The following CXADR variants were observed in gnomAD, a reference collection of about 807,000 sequenced individuals.
CXADR encodes the protein CXADR cell adhesion molecule.
In CXADR, 20 loss-of-function variants were observed where a neutral mutation model predicts 40.3. The ratio of observed to expected loss-of-function variants is 0.50; its 90% CI spans 0.35 to 0.72. CXADR has a LOEUF of 0.72. CXADR is among the 30% of genes least tolerant of loss of function. The probability of loss-of-function intolerance (pLI) is 0.01; values close to 1 mark genes in which losing one functional copy is unlikely to be tolerated. For synonymous variants in CXADR, 150 were observed against 161.3 expected, an observed-to-expected ratio of 0.93 and a Z score of 0.53; for missense variants, 332 against 449.1, an observed-to-expected ratio of 0.74 and a Z score of 2.36.
intron 7 of CXADR, among the ~76,000 whole-genome samples, chr21:17,586,524 CT>C (rs1413893756): frequency 1.8e-4 from 27 of 150,724 alleles, no homozygotes; most frequent in Admixed American, 9.2e-4. Context: ...TGGTCTCAAA[CT>C]TCTGGCCTCA....
At chr21:17,633,704 C>T in the CXADR span, among the ~76,000 whole-genome samples, 11 of 152,318 alleles carry the variant, frequency 7.2e-5, no homozygotes, top group Middle Eastern at 3.4e-3. Flanking sequence ...CATAAATTGT[C>T]ACCATCTCTC....
intron 1 of CXADR, chr21:17,542,988 C>G (rs2060848482): frequency 3.2e-6 from 1 of 309,808 alleles, no homozygotes; most frequent in Non-Finnish European, 6.6e-6. Context: ...AACCCAGGAA[C>G]TGTTTTATAT....
chr21:17,578,919 GTTA>G (rs1364963016), intron 7 of CXADR, among the ~76,000 whole-genome samples: 2 of 152,118 alleles, frequency 1.3e-5, no homozygotes, highest in Non-Finnish European at 2.9e-5. Flanking sequence ...AGATGAAATG[GTTA>G]TTGTTTATCT....
At chr21:17,564,715 A>T (rs2061179474) in intron 6 of CXADR, among the ~76,000 whole-genome samples, 1 of 152,032 alleles carries the variant, frequency 6.6e-6, no homozygotes, top group Non-Finnish European at 1.5e-5. Context: ...TTCCTTTTTT[A>T]AAAAATTTTA....
downstream of CXADR, among the ~76,000 whole-genome samples, chr21:17,574,839 A>C (rs1354974169): frequency 6.6e-6 from 1 of 152,176 alleles, no homozygotes; most frequent in Non-Finnish European, 1.5e-5. Flanking sequence ...ATAGATACCT[A>C]GATGTATCTG....
At chr21:17,534,753 C>T (rs1176930056) in intron 1 of CXADR, among the ~76,000 whole-genome samples, 1 of 151,048 alleles carries the variant, frequency 6.6e-6, no homozygotes, top group East Asian at 2.0e-4. Context: ...AATCTTTTAA[C>T]ATACTAGTTC....
At chr21:17,530,114 A>ATTTTTTTTTTTTTTT (rs56341807) in intron 1 of CXADR, among the ~76,000 whole-genome samples, 2,787 of 94,522 alleles carry the variant, frequency 0.029, 2 homozygotes, top group Non-Finnish European at 0.043. Flanking sequence ...ATGCCAGGCT[A>ATTTTTTTTTTTTTTT]TTTTTTTTTT....
chr21:17,559,666 TG>T (rs141606129), intron 4 of CXADR, among the ~76,000 whole-genome samples: 8,614 of 80,608 alleles, frequency 0.11, 1,067 homozygotes, highest in African/African-American at 0.3. Flanking sequence ...TACTTTTTTT[TG>T]GGTTTTTTTT....
At chr21:17,546,966 G>C (rs1449344744) in intron 1 of CXADR, 61 bp from the exon 2 acceptor site, 1 of 1,582,060 alleles carries the variant, frequency 6.3e-7, no homozygotes, top group East Asian at 2.2e-5. Context: ...TGGCTGCGGG[G>C]CACTGTGTGG....
chr21:17,520,802 C>T (rs190876439), intron 1 of CXADR, among the ~76,000 whole-genome samples: 306 of 152,192 alleles, frequency 2.0e-3, no homozygotes, highest in Admixed American at 5.8e-3. Context: ...GAATGAGTAG[C>T]ATGAAAAAGT....
rs117667293 is a variant in CXADR at position 17,562,757 on chromosome 21, A to G, written c.833+1281A>G. ...CTGGATAACTTTCTGTAGCTTCTTC[A>G]TCAGCACTTTGTTGCTTCACTTTGT... On this transcript the variant is annotated intron_variant, in intron 6 of 6. Coordinates refer to ENST00000284878, the MANE Select transcript of CXADR (RefSeq NM_001338.5). Among the ~76,000 whole-genome samples, 3 of 152,352 alleles carry G rather than the reference A, an allele frequency of 2.0e-5. No individual in the cohort carries two copies. The East Asian group carries it at 5.8e-4, about 29-fold the overall frequency.
At chr21:17,524,948 A>C (rs1485086459) in intron 1 of CXADR, among the ~76,000 whole-genome samples, 1 of 152,124 alleles carries the variant, frequency 6.6e-6, no homozygotes, top group Admixed American at 6.6e-5. Flanking sequence ...TAAGCCTTTG[A>C]GTTTAAGTTG....
intron 1 of CXADR, among the ~76,000 whole-genome samples, chr21:17,522,426 G>A (rs1271625856): frequency 6.6e-6 from 1 of 152,188 alleles, no homozygotes; most frequent in African/African-American, 2.4e-5. Flanking sequence ...GGGATTACAG[G>A]TGTGAGCCAC....
intron 7 of CXADR, among the ~76,000 whole-genome samples, chr21:17,579,142 G>A (rs1385479708): frequency 6.6e-6 from 1 of 152,208 alleles, no homozygotes; most frequent in Admixed American, 6.5e-5. Context: ...AATGTAGGCT[G>A]TGGAAAGAGA....
chr21:17,558,588 G>T (rs2061066654), intron 3 of CXADR, among the ~76,000 whole-genome samples: 1 of 152,184 alleles, frequency 6.6e-6, no homozygotes, highest in African/African-American at 2.4e-5. Flanking sequence ...CATACTGCCA[G>T]AGGGTTACAT....
chr21:17,568,321 G>C lies in CXADR; in HGVS notation c.*2629G>C, dbSNP rs1432563090. On this transcript the variant is annotated 3_prime_UTR_variant, in exon 7 of 7. Transcript: ENST00000284878. ...GTTTTTGTAATTTTAGTAGAGACAG[G>C]GTTTCACCGTGTTAGCCAGGATGGT... The C allele has an allele frequency of 3.7e-6, 3 of 800,058 alleles. No homozygotes were observed. The highest frequency in any genetic ancestry group is 2.5e-4 in the East Asian group (2 of 7,924). 49.6% of individuals were successfully genotyped at this position (800,058 alleles called of 1,614,324 possible). A position where few individuals can be genotyped will look rare whatever the true frequency, so the allele number is the denominator to read the frequency against.
downstream of CXADR, among the ~76,000 whole-genome samples, chr21:17,595,400 C>T (rs1247930200): frequency 6.6e-6 from 1 of 151,802 alleles, no homozygotes; most frequent in Non-Finnish European, 1.5e-5. Context: ...CTTTTTTTAT[C>T]TCACCCTTTA....
chr21:17,518,026 G>A (rs1014365045), intron 1 of CXADR, among the ~76,000 whole-genome samples: 15 of 152,160 alleles, frequency 9.9e-5, no homozygotes, highest in South Asian at 6.2e-4. Context: ...AGTTAACCAA[G>A]CAGATTAAAA....
chr21:17,554,025 C>T (rs1030561853), intron 3 of CXADR, among the ~76,000 whole-genome samples: 2 of 152,160 alleles, frequency 1.3e-5, no homozygotes, highest in Non-Finnish European at 1.5e-5. Context: ...AAGATGTATA[C>T]GGAATATTAA....
Sources: allele counts gnomAD v4.1 joint callset (sites outside exome capture counted in the v4.1 genomes callset), GRCh38; gene constraint gnomAD v4.1.1; transcripts MANE v1.5; gene names NCBI Gene and HGNC (gene_info 2026-07-23, HGNC 2026-07-21).